LTBP4: variants seen among roughly 807,000 people sequenced by gnomAD.
LTBP4 encodes the protein latent transforming growth factor beta binding protein 4.
In LTBP4, 93 loss-of-function variants were observed where a neutral mutation model predicts 180.2. The observed-to-expected ratio is 0.52, with a 90% CI of 0.44 to 0.61. The LOEUF (loss-of-function observed/expected upper bound fraction) is 0.61. LTBP4 is among the 20% of genes least tolerant of loss of function. The probability of loss-of-function intolerance (pLI) is 0.00; values close to 1 mark genes in which losing one functional copy is unlikely to be tolerated. For synonymous variants in LTBP4, 947 were observed against 934.5 expected, an observed-to-expected ratio of 1.01 and a Z score of -0.24; for missense variants, 2,116 against 2,256.5, an observed-to-expected ratio of 0.94 and a Z score of 1.26.
chr19:40,596,711 G>A (rs578173422), upstream of LTBP4, among the ~76,000 whole-genome samples: 1 of 152,246 alleles, frequency 6.6e-6, no homozygotes, highest in East Asian at 1.9e-4. Flanking sequence ...GTGCAGGGTT[G>A]GTGCTCCATT....
At chr19:40,597,654 G>A (rs572425093), upstream of LTBP4, among the ~76,000 whole-genome samples, 1 of 152,084 alleles carries the variant, frequency 6.6e-6, no homozygotes, top group African/African-American at 2.4e-5. Flanking sequence ...TAGTTTATTG[G>A]GGCAGGGGGT....
rs1057519111 is a variant in LTBP4 at position 40,611,178 on chromosome 19, G to C, written c.1837G>C (p.Gly613Arg). ...QDVDECTQSPGLCGRGACKNL... is the reference protein window; with the variant it reads ...QDVDECTQSPRLCGRGACKNL... ...TGTGGATGAATGCACCCAGAGCCCA[G>C]GCCTGTGTGGCCGAGGGGCCTGCAA... The change falls in exon 13 of 30, where the codon GGC becomes CGC. Residue 613 changes from glycine to arginine, a missense_variant. Physicochemically the swap from Gly to Arg is moderately radical, Grantham distance 125. Around this residue, in one of 5 missense-constraint regions of LTBP4, gnomAD observed 877 missense variants for 873.6 expected, o/e 1.00. Transcript: ENST00000396819. This position sits in a 1 kb window ranked among gnomAD's most constrained non-coding sequence, Gnocchi z 4.4. 3 of 1,613,534 alleles carry C rather than the reference G, an allele frequency of 1.9e-6. No homozygotes were observed. Among genetic ancestry groups the C allele is most frequent in the South Asian group, 1.1e-5 (1 of 91,058 alleles).
Position 40,605,916 on chromosome 19 carries a change from C to A in LTBP4, c.793+85C>A. On this transcript the variant is annotated intron_variant, in intron 4 of 29. Coordinates refer to ENST00000396819, the MANE Select transcript of LTBP4 (RefSeq NM_001042545.2). This position sits in a 1 kb window ranked among gnomAD's most constrained non-coding sequence, Gnocchi z 5.5. ...TCCTCCTACTCTGCCCTAGATAAAC[C>A]CAGTTCACAAATTGTAGCCACGCCT... is the stretch of plus-strand genomic sequence containing the variant. 7.1e-7 allele frequency: 1 copy of A among 1,404,214 alleles called. No individual in the cohort carries two copies. Among genetic ancestry groups the A allele is most frequent in the Non-Finnish European group, 9.6e-7 (1 of 1,044,766 alleles). The allele number at this position is 1,404,214 out of a possible 1,614,324, so 87.0% of individuals were successfully genotyped here.
At chr19:40,616,326 C>CAAA (rs1220270634) in intron 19 of LTBP4, among the ~76,000 whole-genome samples, 7,085 of 145,190 alleles carry the variant, frequency 0.049, 621 homozygotes, top group African/African-American at 0.18. Flanking sequence ...TGGGGTGGCT[C>CAAA]ATGCCTATAA....
At chr19:40,623,825 G>T in intron 25 of LTBP4, 93 bp downstream of exon 25, 7 of 1,598,690 alleles carry the variant, frequency 4.4e-6, no homozygotes, top group Non-Finnish European at 5.1e-6. Context: ...CCAGCGGGAA[G>T]TCTTTCCTGG....
chr19:40,604,917 C>A, intron 1 of LTBP4, 118 bp from the exon 2 acceptor site: 1 of 879,958 alleles, frequency 1.1e-6, no homozygotes, highest in Non-Finnish European at 1.7e-6. Context: ...TGGGGCGGGG[C>A]CACATGACAG....
chr19:40,616,899 G>C lies in LTBP4; in HGVS notation c.2823G>C (p.Glu941Asp). 1 of 1,613,972 alleles carries C rather than the reference G, an allele frequency of 6.2e-7. No homozygotes were observed. Among genetic ancestry groups the C allele is most frequent in the Middle Eastern group, 1.6e-4 (1 of 6,062 alleles). The change falls in exon 20 of 30, where the codon GAG (glutamate) becomes GAC (aspartate). Residue 941 changes from glutamate to aspartate, a missense_variant. Physicochemically the swap from Glu to Asp is conservative, Grantham distance 45. Coordinates refer to ENST00000396819, the MANE Select transcript of LTBP4 (RefSeq NM_001042545.2). Reference sequence around the variant, plus strand: ...CTCCACACTCTGCAGATGTGGATGAGTGCCAAGAATATGGTCCCGAGATTT... The same window carrying C: ...CTCCACACTCTGCAGATGTGGATGACTGCCAAGAATATGGTCCCGAGATTT... ...GPEGTCDDVD[E>D]CQEYGPEICG...
chr19:40,619,993 G>A (rs1005931969), intron 22 of LTBP4, among the ~76,000 whole-genome samples: 3 of 152,182 alleles, frequency 2.0e-5, no homozygotes, highest in Non-Finnish European at 4.4e-5. Context: ...AGCCAGGCCC[G>A]ATGAGTGAGG....
At position 40,609,766 on chromosome 19, in the gene LTBP4, G is replaced by T. The variant is rs1418284727; in HGVS notation, c.1579G>T (p.Val527Leu). 3 of 1,611,844 alleles carry T rather than the reference G, an allele frequency of 1.9e-6. No homozygotes were observed. The highest frequency in any genetic ancestry group is 1.3e-5 in the African/African-American group (1 of 74,900). Residue 527 changes from valine to leucine, a missense_variant, in exon 11 of 30, where the codon GTG (valine) becomes TTG (leucine). By Grantham distance (32) the Val-to-Leu change is conservative. Coordinates refer to ENST00000396819, the MANE Select transcript of LTBP4 (RefSeq NM_001042545.2). The surrounding 1 kb of genome is among the most constrained non-coding windows in gnomAD (Gnocchi z 4.9). ...RCIDVDECRR[V>L]PPPCAPGRCE... is the part of the protein sequence containing the mutation. The stretch of plus-strand genomic sequence containing the variant: ...CTCAGATGTGGACGAATGTCGCCGC[G>T]TGCCCCCGCCCTGTGCTCCCGGGCG...
chr19:40,627,170 G>T lies in LTBP4; in HGVS notation c.4181G>T (p.Arg1394Leu). The change falls in exon 28 of 30, where the codon CGC becomes CTC. Residue 1394 changes from arginine to leucine, a missense_variant. Arg to Leu is a moderately radical substitution (Grantham distance 102, BLOSUM62 -2). Transcript: ENST00000396819. ...PYPPPPGPFA[R>L]REAPYGAPRF... ...CCACCGCCACCTGGGCCCTTCGCCC[G>T]CCGGGAGGCTCCTTATGGGGCACCC... is the stretch of plus-strand genomic sequence containing the variant. 2 of 1,612,986 alleles carry T rather than the reference G, an allele frequency of 1.2e-6. No individual in the cohort carries two copies. The highest frequency in any genetic ancestry group is 1.3e-5 in the African/African-American group (1 of 75,002).
chr19:40,612,514 C>T (rs1319454940), intron 15 of LTBP4, among the ~76,000 whole-genome samples: 1 of 152,158 alleles, frequency 6.6e-6, no homozygotes, highest in African/African-American at 2.4e-5. Context: ...GACATTTGAC[C>T]CTAATCATAA....
chr19:40,619,454 C>T lies in LTBP4; in HGVS notation c.3178C>T (p.Pro1060Ser). 6.2e-7 allele frequency: 1 copy of T among 1,613,516 alleles called. No homozygotes were observed. Among genetic ancestry groups the T allele is most frequent in the Non-Finnish European group, 8.5e-7 (1 of 1,179,714 alleles). The part of the protein sequence containing the change: ...VCPNSPEEFD[P>S]MTGRCVPPRT... The stretch of plus-strand genomic sequence containing the variant: ...CCCCAACAGCCCGGAAGAGTTTGAC[C>T]CCATGACTGGACGCTGTGTTCCCCC... The change falls in exon 22 of 30, where the codon CCC (proline) becomes TCC (serine). Residue 1060 changes from proline (P) to serine (S), a missense_variant. Pro to Ser is a moderately conservative substitution (Grantham distance 74, BLOSUM62 -1). Coordinates refer to ENST00000396819, the MANE Select transcript of LTBP4 (RefSeq NM_001042545.2).
intron 18 of LTBP4, 87 bp from the exon 19 acceptor site, chr19:40,614,228 C>A: frequency 6.6e-7 from 1 of 1,522,946 alleles, no homozygotes; most frequent in East Asian, 2.3e-5. Flanking sequence ...TCCCCGGCCT[C>A]CCCCTTCTGA....
At position 40,622,676 on chromosome 19, in the gene LTBP4, G is replaced by A. The variant is rs771737682; in HGVS notation, c.3484+9G>A. 1 of 1,594,676 alleles carries A rather than the reference G, an allele frequency of 6.3e-7. No individual in the cohort carries two copies. Among genetic ancestry groups the A allele is most frequent in the Non-Finnish European group, 8.5e-7 (1 of 1,170,716 alleles). ...CCCGGGCACCGAGACAGGTGGGCAT[G>A]GGCTGATGGGGACACAGGGCTGAGG... is the stretch of plus-strand genomic sequence containing the variant. On this transcript the variant is annotated intron_variant, in intron 23 of 29. Coordinates refer to ENST00000396819, the MANE Select transcript of LTBP4 (RefSeq NM_001042545.2). This position sits in a 1 kb window ranked among gnomAD's most constrained non-coding sequence, Gnocchi z 5.1.
chr19:40,608,697 G>A (rs909257890), intron 9 of LTBP4, 94 bp downstream of exon 9: 1 of 1,438,898 alleles, frequency 6.9e-7, no homozygotes. Context: ...TGGATCACCA[G>A]GTCAGGAGTT....
Position 40,625,290 on chromosome 19 carries a change from ATATATATATATATATATATATATATATT to A in LTBP4, c.3833-565_3833-538del, listed in dbSNP as rs1256438311. ...TATATATATATATATATATATATAT[ATATATATATATATATATATATATATATT>A]TTTTTTTTTAAAGATGGGTTTTTGC... is the stretch of plus-strand genomic sequence containing the variant. On this transcript the variant is annotated intron_variant, in intron 26 of 29. Coordinates refer to ENST00000396819, the MANE Select transcript of LTBP4 (RefSeq NM_001042545.2). 3.8e-3 allele frequency among the ~76,000 whole-genome samples: 26 copies of A among 6,878 alleles called. 3 individuals carry two copies. In the South Asian group the frequency reaches 0.039, roughly 10 times the overall value. 4.5% of individuals were successfully genotyped at this position (6,878 alleles called of 152,430 possible). A position where few individuals can be genotyped will look rare whatever the true frequency, so the allele number is the denominator to read the frequency against.
At chr19:40,606,025 CTG>C (rs1249771449) in intron 4 of LTBP4, among the ~76,000 whole-genome samples, 194 bp downstream of exon 4, 2 of 152,240 alleles carry the variant, frequency 1.3e-5, no homozygotes, top group East Asian at 3.8e-4. Flanking sequence ...TTTGGCCACT[CTG>C]TTCTCACCCT....
chr19:40,595,425 C>T (rs2081384834), intron 1 of LTBP4, among the ~76,000 whole-genome samples: 1 of 147,554 alleles, frequency 6.8e-6, no homozygotes, highest in Admixed American at 6.8e-5. Context: ...CCCAGCCAGG[C>T]TCTGCCCCTG....
At chr19:40,618,016 A>G (rs2081562134) in intron 21 of LTBP4, among the ~76,000 whole-genome samples, 2 of 151,842 alleles carry the variant, frequency 1.3e-5, no homozygotes, top group African/African-American at 4.8e-5. Context: ...TATGCATATC[A>G]CTAACCAGAA....
Sources: gnomAD v4.1 joint callset for allele counts (sites outside exome capture counted in the v4.1 genomes callset) on GRCh38, gnomAD v4.1.1 for gene constraint, gnomAD v4.1.1 regional missense constraint, Gnocchi (gnomAD v3.1) non-coding constraint, MANE v1.5 for transcripts, NCBI Gene and HGNC (gene_info 2026-07-23, HGNC 2026-07-21) for gene names.